Variants in ZNF583 observed in about 807,000 individuals in gnomAD.
The protein encoded by ZNF583 is zinc finger protein 583, also known as zinc finger protein L3-5.
ZNF583 carries 30 observed loss-of-function variants against 55.3 expected under a neutral mutation model. The observed-to-expected ratio is 0.54, with a 90% CI of 0.41 to 0.74. The LOEUF is 0.74. Ranked by LOEUF, ZNF583 falls within the 30% of genes least tolerant of loss-of-function variation. ZNF583 has a pLI of 0.00. For synonymous variants in ZNF583, 208 were observed against 220.0 expected (o/e 0.95, Z 0.48); for missense variants, 504 against 664.7 (o/e 0.76, Z 2.66).
chr19:56,405,789 A>G (rs374130132), intron 1 of ZNF583, among the ~76,000 whole-genome samples: 2 of 152,198 alleles, frequency 1.3e-5, no homozygotes, highest in East Asian at 1.9e-4. Context: ...CTTTATGTAG[A>G]TCATTTCAGA....
chr19:56,413,834 A>G, intron 2 of ZNF583, 125 bp from the exon 3 acceptor site: 1 of 1,313,388 alleles, frequency 7.6e-7, no homozygotes, highest in Non-Finnish European at 1.1e-6. Flanking sequence ...AACCTAAGAT[A>G]CTGTCAGAAA....
Position 56,423,917 on chromosome 19 carries a change from T to G in ZNF583, c.1259T>G (p.Ile420Ser). The change falls in exon 5 of 5, where the codon ATT (isoleucine) becomes AGT (serine). Residue 420 changes from isoleucine to serine, a missense_variant. Ile to Ser is a moderately radical substitution (Grantham distance 142). This residue lies in a region of ZNF583 where 237 missense variants were observed against 373.0 expected (regional missense o/e 0.64). Transcript: ENST00000333201. ...CKVCRKAFSQ[I>S]AYLDQHQRVH... ...GTATGTAGGAAAGCCTTCAGCCAAA[T>G]TGCATACCTTGATCAACATCAGAGG... 1 of 1,613,198 alleles carries G rather than the reference T, an allele frequency of 6.2e-7. No individual in the cohort carries two copies. Among genetic ancestry groups the G allele is most frequent in the Non-Finnish European group, 8.5e-7 (1 of 1,179,760 alleles).
At chr19:56,415,642 C>T (rs2042309043) in intron 4 of ZNF583, among the ~76,000 whole-genome samples, 1 of 152,154 alleles carries the variant, frequency 6.6e-6, no homozygotes, top group African/African-American at 2.4e-5. Context: ...TGGTGCACTG[C>T]AACCTCCACC....
rs557157693 is a variant in ZNF583, at chr19:56,408,339, A to G, written c.9+1216A>G. Among the ~76,000 whole-genome samples the G allele has an allele frequency of 1.6e-4, 25 of 152,362 alleles. 1 individual carries two copies. The South Asian group carries it at 5.0e-3, about 30-fold the overall frequency. ...ATAGAACTTTCTGTGATGATTGACA[A>G]TAGAAATGTTCTATATCTGCAGTGT... is the stretch of plus-strand genomic sequence containing the variant. On this transcript the variant is annotated intron_variant, in intron 2 of 4. Coordinates refer to ENST00000333201, the MANE Select transcript of ZNF583 (RefSeq NM_152478.3).
At chr19:56,417,447 TG>T (rs2042345581) in intron 4 of ZNF583, among the ~76,000 whole-genome samples, 1 of 152,226 alleles carries the variant, frequency 6.6e-6, no homozygotes, top group African/African-American at 2.4e-5. Flanking sequence ...TCTTTTCATA[TG>T]TTTACTGGCC....
At chr19:56,413,797 A>G (rs2147575738) in intron 2 of ZNF583, 162 bp from the exon 3 acceptor site, 2 of 360,694 alleles carry the variant, frequency 5.5e-6, no homozygotes, top group East Asian at 3.3e-4. Flanking sequence ...GAAGTCATTT[A>G]GCAATTACCT....
At chr19:56,418,807 G>GA (rs1408921098) in intron 4 of ZNF583, among the ~76,000 whole-genome samples, 1 of 152,128 alleles carries the variant, frequency 6.6e-6, no homozygotes, top group African/African-American at 2.4e-5. Flanking sequence ...AGGGGTAAGA[G>GA]GAAATGTACT....
intron 4 of ZNF583, among the ~76,000 whole-genome samples, chr19:56,415,528 T>C (rs1173988009): frequency 1.3e-5 from 2 of 152,188 alleles, no homozygotes; most frequent in Non-Finnish European, 2.9e-5. Context: ...TTGATAACTT[T>C]CTCAGTATCC....
At chr19:56,421,316 G>C (rs1244993253) in intron 4 of ZNF583, 1 of 117,488 alleles carries the variant, frequency 8.5e-6, no homozygotes, top group African/African-American at 5.3e-5. Context: ...CCTTATTATA[G>C]TTTTATCAAC....
intron 4 of ZNF583, among the ~76,000 whole-genome samples, chr19:56,421,258 ATATC>A (rs1600376390): frequency 7.7e-6 from 1 of 129,094 alleles, no homozygotes; most frequent in Non-Finnish European, 1.7e-5. Flanking sequence ...AACGATTATA[ATATC>A]TATCCTTAAC....
intron 2 of ZNF583, among the ~76,000 whole-genome samples, chr19:56,410,155 T>G (rs1264639793): frequency 6.6e-6 from 1 of 152,216 alleles, no homozygotes; most frequent in African/African-American, 2.4e-5. Context: ...ATTTTCCTTC[T>G]GTATTACTAA....
At chr19:56,416,655 C>CT (rs2042329194) in intron 4 of ZNF583, among the ~76,000 whole-genome samples, 1 of 149,702 alleles carries the variant, frequency 6.7e-6, no homozygotes, top group South Asian at 2.2e-4. Context: ...TTTGTTACTG[C>CT]TGTTCATACT....
chr19:56,410,569 G>A (rs376243435), intron 2 of ZNF583, among the ~76,000 whole-genome samples: 1 of 152,106 alleles, frequency 6.6e-6, no homozygotes, highest in Non-Finnish European at 1.5e-5. Context: ...GAGCGTGGTG[G>A]TGGGCCCCTG....
At chr19:56,414,461 G>A in intron 4 of ZNF583, 21 bp downstream of exon 4, 1 of 1,599,590 alleles carries the variant, frequency 6.3e-7, no homozygotes, top group Non-Finnish European at 8.5e-7. Flanking sequence ...GAGAAATAGG[G>A]AGACAGAAGC....
At chr19:56,406,890 G>A in intron 1 of ZNF583, 136 bp from the exon 2 acceptor site, 2 of 501,388 alleles carry the variant, frequency 4.0e-6, no homozygotes, top group Non-Finnish European at 7.0e-6. Flanking sequence ...AGATATAAAT[G>A]AATTGCTCAG....
In ZNF583 at chr19:56,425,252, C is replaced by G. The variant is rs1478128951; in HGVS notation, c.*884C>G. On this transcript the variant is annotated 3_prime_UTR_variant, in exon 5 of 5. Transcript: ENST00000333201. ...TGAGATGGAGTCTTGCTCTGTTGCT[C>G]AGGCTTGAGTGCAGTAGTGCAATCT... 1 of 152,044 alleles carries G rather than the reference C, an allele frequency of 6.6e-6. No individual in the cohort carries two copies. The highest frequency in any genetic ancestry group is 2.4e-5 in the African/African-American group (1 of 41,384). 9.4% of individuals were successfully genotyped at this position (152,044 alleles called of 1,614,324 possible). A position where few individuals can be genotyped will look rare whatever the true frequency, so the allele number is the denominator to read the frequency against.
Position 56,423,480 on chromosome 19 carries a change from G to A in ZNF583, c.822G>A (p.Arg274=), listed in dbSNP as rs1302174567. 2 of 1,613,954 alleles carry A rather than the reference G, an allele frequency of 1.2e-6. No individual in the cohort carries two copies. The highest frequency in any genetic ancestry group is 3.3e-5 in the Admixed American group (2 of 60,016). The change falls in exon 5 of 5, where the codon AGG becomes AGA. Residue 274 remains arginine, a synonymous_variant. Coordinates refer to ENST00000333201, the MANE Select transcript of ZNF583 (RefSeq NM_152478.3). ...AACCCTATGAATGTAAAGAATGTAG[G>A]AAAGCCTTCAGCCAGAATGCACACC... The part of the protein sequence containing the change: ...GEKPYECKEC[R]KAFSQNAHLA...
intron 4 of ZNF583, 53 bp downstream of exon 4, chr19:56,414,493 A>G (rs895549129): frequency 2.6e-6 from 4 of 1,524,320 alleles, no homozygotes; most frequent in Non-Finnish European, 3.6e-6. Flanking sequence ...AAAGCTCAGC[A>G]ATTCTGAAAG....
intron 2 of ZNF583, among the ~76,000 whole-genome samples, chr19:56,410,657 G>A (rs539554412): frequency 6.6e-6 from 1 of 152,076 alleles, no homozygotes; most frequent in African/African-American, 2.4e-5. Flanking sequence ...AGCCAAGATC[G>A]CACCACTGCT....
Sources: gnomAD v4.1 joint callset for allele counts (sites outside exome capture counted in the v4.1 genomes callset) on GRCh38, gnomAD v4.1.1 for gene constraint, gnomAD v4.1.1 regional missense constraint, MANE v1.5 for transcripts, NCBI Gene and HGNC (gene_info 2026-07-23, HGNC 2026-07-21) for gene names.